The following TMPRSS15 variants were observed in gnomAD, a reference collection of about 807,000 sequenced individuals.
TMPRSS15 encodes the protein enteropeptidase.
Under a neutral mutation model 125.3 loss-of-function variants are expected in TMPRSS15, and 128 were observed. The ratio of observed to expected loss-of-function variants is 1.02; its 90% CI spans 0.89 to 1.18. The LOEUF (loss-of-function observed/expected upper bound fraction) is 1.18, where lower values mean the gene tolerates loss of function less well. TMPRSS15 is among the 50% of genes most tolerant of loss of function. The pLI, the probability that TMPRSS15 is intolerant of heterozygous loss-of-function variation, is 0.00. For missense variants in TMPRSS15, 1,283 were observed against 1,212.7 expected (o/e 1.06, Z -0.86); for synonymous variants, 446 against 423.2 (o/e 1.05, Z -0.66).
intron 1 of TMPRSS15, among the ~76,000 whole-genome samples, chr21:18,414,795 G>A (rs527837853): frequency 1.3e-5 from 2 of 152,166 alleles, no homozygotes; most frequent in Non-Finnish European, 2.9e-5. Context: ...CTTGGCTACC[G>A]TGAATAATGT....
intron 17 of TMPRSS15, among the ~76,000 whole-genome samples, 172 bp downstream of exon 17, chr21:18,314,974 C>T (rs563930647): frequency 6.6e-6 from 1 of 152,296 alleles, no homozygotes; most frequent in South Asian, 2.1e-4. Flanking sequence ...ATTAACTTTT[C>T]TTCTATCCAG....
At position 18,403,756 on chromosome 21, in the gene TMPRSS15, G is replaced by A; in HGVS notation, c.-134C>T. The A allele has an allele frequency of 1.8e-6, 2 of 1,083,410 alleles. No homozygotes were observed. Among genetic ancestry groups the A allele is most frequent in the Non-Finnish European group, 2.7e-6 (2 of 732,308 alleles). 67.1% of individuals were successfully genotyped at this position (1,083,410 alleles called of 1,614,324 possible). ...CACCTGTCTACATGCATACCAGTCA[G>A]TGTAAGTGAGTTGTGTATGTCTCTT... On this transcript the variant is annotated 5_prime_UTR_variant, in exon 1 of 25. Transcript: ENST00000284885.
intron 16 of TMPRSS15, among the ~76,000 whole-genome samples, chr21:18,318,407 T>G (rs1189033257): frequency 6.6e-6 from 1 of 151,862 alleles, no homozygotes; most frequent in African/African-American, 2.4e-5. Flanking sequence ...ACTACAATGG[T>G]AAAAATAAAT....
chr21:18,444,242 A>G lies in TMPRSS15; in HGVS notation c.10+41557T>C, dbSNP rs547138781. Among the ~76,000 whole-genome samples the G allele has an allele frequency of 2.0e-5, 3 of 152,354 alleles. No individual in the cohort carries two copies. The East Asian group carries it at 5.8e-4, about 29-fold the overall frequency. ...AGATACGGAATCAACCTAAATGCCC[A>G]TTAACGGAAGACTGGATAAAGAAAA... On this transcript the variant is annotated intron_variant, in intron 1 of 7. Transcript: ENST00000422787.
chr21:18,325,884 G>A (rs1283365584), intron 16 of TMPRSS15, among the ~76,000 whole-genome samples: 1 of 151,694 alleles, frequency 6.6e-6, no homozygotes, highest in East Asian at 1.9e-4. Context: ...CCGCTATTTT[G>A]TTTGCTCCTG....
At chr21:18,370,985 C>A (rs150381342) in intron 6 of TMPRSS15, among the ~76,000 whole-genome samples, 1 of 152,146 alleles carries the variant, frequency 6.6e-6, no homozygotes, top group Admixed American at 6.5e-5. Context: ...AGTTTTAAAA[C>A]TGATTATAAG....
intron 3 of TMPRSS15, among the ~76,000 whole-genome samples, chr21:18,385,883 A>G (rs2075939454): frequency 6.6e-6 from 1 of 152,032 alleles, no homozygotes; most frequent in Non-Finnish European, 1.5e-5. Context: ...AGCTGGGACT[A>G]CAGGTGCCCG....
chr21:18,452,025 G>A (rs1308354624), intron 1 of TMPRSS15, among the ~76,000 whole-genome samples: 3 of 152,052 alleles, frequency 2.0e-5, no homozygotes, highest in Non-Finnish European at 4.4e-5. Flanking sequence ...GATTCATTAT[G>A]ATTTTACTCG....
At chr21:18,305,308 C>T (rs1019755548) in intron 18 of TMPRSS15, among the ~76,000 whole-genome samples, 3 of 151,216 alleles carry the variant, frequency 2.0e-5, no homozygotes, top group Non-Finnish European at 4.4e-5. Flanking sequence ...CCTGCCTCAG[C>T]CTCCCGAGTA....
At chr21:18,408,485 C>G (rs540549891), upstream of TMPRSS15, among the ~76,000 whole-genome samples, 9 of 152,192 alleles carry the variant, frequency 5.9e-5, no homozygotes, top group South Asian at 2.1e-4. Context: ...TCCAAAAATA[C>G]CAGTGCCATA....
At chr21:18,276,302 A>G (rs2074619324) in intron 23 of TMPRSS15, among the ~76,000 whole-genome samples, 1 of 152,262 alleles carries the variant, frequency 6.6e-6, no homozygotes, top group Non-Finnish European at 1.5e-5. Flanking sequence ...GAAAAATGAA[A>G]GCCCCATGGG....
chr21:18,446,912 T>C (rs2076256955), intron 1 of TMPRSS15, among the ~76,000 whole-genome samples: 1 of 151,884 alleles, frequency 6.6e-6, no homozygotes, highest in Admixed American at 6.6e-5. Flanking sequence ...CCAAAAAACA[T>C]AGGCAACAAA....
intron 7 of TMPRSS15, among the ~76,000 whole-genome samples, chr21:18,364,151 G>A (rs754022939): frequency 6.6e-6 from 1 of 151,882 alleles, no homozygotes; most frequent in Non-Finnish European, 1.5e-5. Flanking sequence ...GCTATTATAT[G>A]TCAATATAAT....
intron 1 of TMPRSS15, among the ~76,000 whole-genome samples, chr21:18,470,805 G>C (rs1475790734): frequency 1.3e-5 from 2 of 151,974 alleles, no homozygotes; most frequent in Non-Finnish European, 2.9e-5. Flanking sequence ...CAGAAAACAA[G>C]AGAGCCTCAA....
At chr21:18,310,482 C>T (rs1253568888) in intron 18 of TMPRSS15, among the ~76,000 whole-genome samples, 1 of 151,778 alleles carries the variant, frequency 6.6e-6, no homozygotes, top group African/African-American at 2.4e-5. Context: ...AAACAAACAC[C>T]TAGAAATAAA....
chr21:18,402,366 T>C (rs2123142637), intron 1 of TMPRSS15, among the ~76,000 whole-genome samples: 1 of 151,918 alleles, frequency 6.6e-6, no homozygotes. Flanking sequence ...CCACCGCTAC[T>C]AAAAATACAA....
At chr21:18,337,988 T>C (rs1188138636) in intron 13 of TMPRSS15, among the ~76,000 whole-genome samples, 3 of 152,214 alleles carry the variant, frequency 2.0e-5, no homozygotes, top group African/African-American at 7.2e-5. Flanking sequence ...CTAAAGTTTA[T>C]ATTTTCAAAT....
Position 18,269,987 on chromosome 21 carries a change from T to C in TMPRSS15, c.3042A>G (p.Ile1014Met). 7.4e-6 allele frequency: 12 copies of C among 1,613,928 alleles called. No individual in the cohort carries two copies. The highest frequency in any genetic ancestry group is 1.0e-5 in the Non-Finnish European group (12 of 1,179,860). ...AAATGCGCTAATGTAGAAAACTTTG[T>C]ATCCATTCGGTAAACCTTGAGACCC... ...YARVSRFTEW[I>M]QSFLH The change falls in exon 25 of 25, where the codon ATA becomes ATG. Residue 1014 changes from isoleucine (I) to methionine (M), a missense_variant. Physicochemically the swap from Ile to Met is conservative, Grantham distance 10. Transcript: ENST00000284885.
At chr21:18,374,511 A>G (rs911186031) in intron 5 of TMPRSS15, among the ~76,000 whole-genome samples, 2 of 148,432 alleles carry the variant, frequency 1.3e-5, no homozygotes, top group South Asian at 2.1e-4. Context: ...AAAAGAGTAC[A>G]TCAATATATG....
Sources: gnomAD v4.1 joint callset for allele counts (sites outside exome capture counted in the v4.1 genomes callset) on GRCh38, gnomAD v4.1.1 for gene constraint, MANE v1.5 for transcripts, NCBI Gene and HGNC (gene_info 2026-07-23, HGNC 2026-07-21) for gene names.